Variants in ANP32A observed in about 807,000 individuals in gnomAD.
ANP32A encodes the protein acidic nuclear phosphoprotein 32 family member A.
In ANP32A, 1 loss-of-function variant was observed where a neutral mutation model predicts 33.9. The observed-to-expected ratio is 0.03, with a 90% CI of 0.01 to 0.14. The LOEUF (loss-of-function observed/expected upper bound fraction) is 0.14. Ranked by LOEUF, ANP32A falls within the 10% of genes least tolerant of loss-of-function variation. The pLI is 1.00. For missense variants in ANP32A, 155 were observed against 306.0 expected, an observed-to-expected ratio of 0.51 and a Z score of 3.68; for synonymous variants, 115 against 120.5, an observed-to-expected ratio of 0.95 and a Z score of 0.30.
intron 1 of ANP32A, among the ~76,000 whole-genome samples, chr15:68,798,195 C>T (rs1386249524): frequency 1.3e-5 from 2 of 152,242 alleles, no homozygotes; most frequent in South Asian, 4.1e-4. Flanking sequence ...CCCAGGGTTT[C>T]TGCCTTGGAG....
intron 1 of ANP32A, among the ~76,000 whole-genome samples, chr15:68,804,339 G>A (rs995057261): frequency 6.6e-6 from 1 of 152,086 alleles, no homozygotes; most frequent in Non-Finnish European, 1.5e-5. Context: ...CTGACCTTAG[G>A]TTGGTTACTT....
chr15:68,804,355 T>C (rs950735151), intron 1 of ANP32A, among the ~76,000 whole-genome samples: 3 of 152,192 alleles, frequency 2.0e-5, no homozygotes, highest in African/African-American at 7.2e-5. Flanking sequence ...TACTTAACCT[T>C]TCTGAGCCTT....
intron 1 of ANP32A, among the ~76,000 whole-genome samples, chr15:68,803,084 CTCCCAAAGTG>C (rs1894160938): frequency 6.6e-6 from 1 of 152,176 alleles, no homozygotes; most frequent in South Asian, 2.1e-4. Flanking sequence ...TTGACTTCTG[CTCCCAAAGTG>C]TCCAGCCTGG....
chr15:68,791,898 C>CA (rs900563674), intron 1 of ANP32A: 27 of 152,718 alleles, frequency 1.8e-4, no homozygotes, highest in African/African-American at 6.5e-4. Flanking sequence ...TGAAATGCAC[C>CA]AAACAGGACA....
In ANP32A at chr15:68,784,243, C is replaced by T. The variant is rs1464413846; in HGVS notation, c.526+154G>A. ...CAGACAGCCCTACTCCCCTCCATAG[C>T]TTTGGAAGGTGGTAGCTACCAGACA... On this transcript the variant is annotated intron_variant, in intron 4 of 6. Coordinates refer to ENST00000465139, the MANE Select transcript of ANP32A (RefSeq NM_006305.4). 4 of 812,906 alleles carry T rather than the reference C, an allele frequency of 4.9e-6. No homozygotes were observed. The Admixed American group carries it at 7.9e-5, about 16-fold the overall frequency. The allele number at this position is 812,906 out of a possible 1,614,324, so 50.4% of individuals were successfully genotyped here.
Position 68,780,182 on chromosome 15 carries a change from T to A in ANP32A, c.689-40A>T. The A allele has an allele frequency of 6.2e-7, 1 of 1,611,192 alleles. No homozygotes were observed. Among genetic ancestry groups the A allele is most frequent in the Non-Finnish European group, 8.5e-7 (1 of 1,178,186 alleles). On this transcript the variant is annotated intron_variant, in intron 6 of 6. Transcript: ENST00000465139. This position sits in a 1 kb window ranked among gnomAD's most constrained non-coding sequence, Gnocchi z 4.3. The stretch of plus-strand genomic sequence containing the variant: ...AAGCGGCATTTAGATTAGTTATTAA[T>A]CCCACCTCTTTAACTCAACCCACCC...
chr15:68,802,819 A>ATTTTTTTTTT (rs1228755138), intron 1 of ANP32A, among the ~76,000 whole-genome samples: 2 of 151,784 alleles, frequency 1.3e-5, no homozygotes, highest in Non-Finnish European at 2.9e-5. Flanking sequence ...TGCCCGGCTA[A>ATTTTTTTTTT]TTTTTTATAT....
intron 2 of ANP32A, 104 bp downstream of exon 2, chr15:68,787,666 C>T (rs1432750883): frequency 6.3e-7 from 1 of 1,592,330 alleles, no homozygotes; most frequent in Non-Finnish European, 8.6e-7. Flanking sequence ...CATGTTGGTG[C>T]AAGCACCCGG....
rs116956340 is a variant in ANP32A, at chr15:68,797,315, T to A, written c.55-9396A>T. ...CCAGGATCACCCATCACTACTCAGATCCATGAGCTGACAATTCAGTGATTC... is the reference window on the plus strand; with the variant it reads ...CCAGGATCACCCATCACTACTCAGAACCATGAGCTGACAATTCAGTGATTC... On this transcript the variant is annotated intron_variant, in intron 1 of 6. Coordinates refer to ENST00000465139, the MANE Select transcript of ANP32A (RefSeq NM_006305.4). Among the ~76,000 whole-genome samples, 17 of 152,092 alleles carry A rather than the reference T, an allele frequency of 1.1e-4. No individual in the cohort carries two copies. The East Asian group carries it at 3.3e-3, about 29-fold the overall frequency.
intron 5 of ANP32A, 108 bp downstream of exon 5, chr15:68,782,848 C>A: frequency 6.7e-7 from 1 of 1,492,154 alleles, no homozygotes; most frequent in South Asian, 1.3e-5. Context: ...CATCGGGGAG[C>A]GACTTTCCTA....
At chr15:68,793,737 G>C (rs1551342) in intron 1 of ANP32A, among the ~76,000 whole-genome samples, 51,969 of 152,156 alleles carry the variant, frequency 0.34, 15,809 homozygotes, top group African/African-American at 0.79. Flanking sequence ...GACTGGCTTA[G>C]AGGGCCCAGC....
At chr15:68,817,445 C>T (rs1261851971) in intron 1 of ANP32A, 2 of 152,316 alleles carry the variant, frequency 1.3e-5, no homozygotes, top group Non-Finnish European at 2.9e-5. Context: ...TCTTCCCTCC[C>T]GGGGAACAGG....
At chr15:68,804,775 C>T (rs114845453) in intron 1 of ANP32A, among the ~76,000 whole-genome samples, 4,557 of 152,310 alleles carry the variant, frequency 0.03, 232 homozygotes, top group African/African-American at 0.098. Flanking sequence ...GACCTCCCAA[C>T]GTGCTGAGAT....
chr15:68,811,101 T>C (rs1012079630), intron 1 of ANP32A, among the ~76,000 whole-genome samples: 3 of 148,944 alleles, frequency 2.0e-5, no homozygotes, highest in African/African-American at 7.4e-5. Context: ...ATCCCGCCAC[T>C]GAGACATCAT....
At position 68,805,881 on chromosome 15, in the gene ANP32A, C is replaced by A. The variant is rs560718993; in HGVS notation, c.54+14817G>T. Among the ~76,000 whole-genome samples the A allele has an allele frequency of 4.6e-5, 7 of 152,148 alleles. No homozygotes were observed. In the East Asian group the frequency reaches 5.8e-4, roughly 13 times the overall value. On this transcript the variant is annotated intron_variant, in intron 1 of 6. Transcript: ENST00000465139. ...GCTTACTACTGACTGTCTCCCCCAG[C>A]GGAACAGAAGCCCCACAAGAGCAGC...
chr15:68,808,783 C>A (rs1894273363), intron 1 of ANP32A, among the ~76,000 whole-genome samples: 1 of 152,220 alleles, frequency 6.6e-6, no homozygotes, highest in Admixed American at 6.5e-5. Flanking sequence ...TGCATACACA[C>A]GTAGTTCTCA....
intron 1 of ANP32A, among the ~76,000 whole-genome samples, chr15:68,788,979 A>G (rs1893967026): frequency 6.6e-6 from 1 of 152,226 alleles, no homozygotes; most frequent in Non-Finnish European, 1.5e-5. Context: ...AAGAAGGTAG[A>G]AAGACAGGCC....
At chr15:68,787,243 TCA>T (rs1893944051) in intron 3 of ANP32A, 168 bp downstream of exon 3, 4 of 939,866 alleles carry the variant, frequency 4.3e-6, no homozygotes, top group Non-Finnish European at 6.3e-6. Context: ...TCTCTGGGCC[TCA>T]GTTTCTCTAT....
At position 68,784,520 on chromosome 15, in the gene ANP32A, C is replaced by A. The variant is rs1171022580; in HGVS notation, c.403G>T (p.Val135Leu). ...GTGAGTTGCGGGAGGAGCTTGAACACATTTTCTCGGTAGTCGTTCAGGTTG... is the reference window on the plus strand; with the variant it reads ...GTGAGTTGCGGGAGGAGCTTGAACAAATTTTCTCGGTAGTCGTTCAGGTTG... ...VTNLNDYREN[V>L]FKLLPQLTYL... The change falls in exon 4 of 7, where the codon GTG becomes TTG. Residue 135 changes from valine (V) to leucine (L), a missense_variant. Coordinates refer to ENST00000465139, the MANE Select transcript of ANP32A (RefSeq NM_006305.4). The A allele has an allele frequency of 6.2e-7, 1 of 1,614,192 alleles. No individual in the cohort carries two copies. Among genetic ancestry groups the A allele is most frequent in the South Asian group, 1.1e-5 (1 of 91,080 alleles).
Sources: gnomAD v4.1 joint callset for allele counts (sites outside exome capture counted in the v4.1 genomes callset) on GRCh38, gnomAD v4.1.1 for gene constraint, Gnocchi (gnomAD v3.1) non-coding constraint, MANE v1.5 for transcripts, NCBI Gene and HGNC (gene_info 2026-07-23, HGNC 2026-07-21) for gene names.